HMCN2: variants seen among roughly 807,000 people sequenced by gnomAD.
HMCN2 encodes the protein hemicentin 2.
Under a neutral mutation model 377.5 loss-of-function variants are expected in HMCN2, and 325 were observed. The observed-to-expected ratio is 0.86, with a 90% CI of 0.79 to 0.94. HMCN2 has a LOEUF of 0.94. Among genes scored for constraint, HMCN2 ranks in the 40% least tolerant of loss-of-function variants. The probability of loss-of-function intolerance (pLI) is 0.00; values close to 1 mark genes in which losing one functional copy is unlikely to be tolerated. For synonymous variants in HMCN2, 2,007 were observed against 2,046.8 expected (o/e 0.98, Z 0.53); for missense variants, 4,543 against 4,725.3 (o/e 0.96, Z 1.13).
intron 31 of HMCN2, 76 bp from the exon 32 acceptor site, chr9:130,354,687 C>T (rs1406593506): frequency 5.7e-5 from 67 of 1,177,936 alleles, no homozygotes; most frequent in Middle Eastern, 5.0e-4. Flanking sequence ...GGGGCTTCAG[C>T]GGGCCTGTTG....
Position 130,406,077 on chromosome 9 carries a change from G to A in HMCN2, c.12462G>A (p.Leu4154=). The A allele has an allele frequency of 1.6e-6, 2 of 1,289,864 alleles. No individual in the cohort carries two copies. The highest frequency in any genetic ancestry group is 2.0e-6 in the Non-Finnish European group (2 of 988,884). 79.9% of individuals were successfully genotyped at this position (1,289,864 alleles called of 1,614,324 possible). A position where few individuals can be genotyped will look rare whatever the true frequency, so the allele number is the denominator to read the frequency against. Residue 4154 remains leucine (L), a synonymous_variant, in exon 82 of 98, where the codon CTG becomes CTA. Coordinates refer to ENST00000683500, the MANE Select transcript of HMCN2 (RefSeq NM_001291815.2). ...VFTTLPGDRS[L]RLGDRLWLRC... ...CCACCCTGCCTGGGGACCGCAGCCTGCGCCTTGGGGACAGGCTGTGGCTTC... is the reference window on the plus strand; with the variant it reads ...CCACCCTGCCTGGGGACCGCAGCCTACGCCTTGGGGACAGGCTGTGGCTTC...
intron 15 of HMCN2, among the ~76,000 whole-genome samples, chr9:130,319,191 G>T (rs1219656612): frequency 6.6e-6 from 1 of 152,122 alleles, no homozygotes; most frequent in Non-Finnish European, 1.5e-5. Flanking sequence ...CCCTTGGAGG[G>T]GCTTCCTGGG....
Position 130,369,904 on chromosome 9 carries a change from A to G in HMCN2, c.7069+53A>G, listed in dbSNP as rs1017073432. 7.2e-6 allele frequency: 7 copies of G among 970,932 alleles called. No homozygotes were observed. Among genetic ancestry groups the G allele is most frequent in the Non-Finnish European group, 8.6e-6 (7 of 816,834 alleles). 60.1% of individuals were successfully genotyped at this position (970,932 alleles called of 1,614,324 possible). A position where few individuals can be genotyped will look rare whatever the true frequency, so the allele number is the denominator to read the frequency against. The stretch of plus-strand genomic sequence containing the variant: ...TGGGCTGGGGCAGATTAGAGTGGGC[A>G]AGGTGGGTTCAATCTCCAGGCACGG... On this transcript the variant is annotated intron_variant, in intron 45 of 97. Coordinates refer to ENST00000683500, the MANE Select transcript of HMCN2 (RefSeq NM_001291815.2). The surrounding 1 kb of genome is among the most constrained non-coding windows in gnomAD (Gnocchi z 4.5).
intron 61 of HMCN2, among the ~76,000 whole-genome samples, chr9:130,387,222 A>T (rs1842071882): frequency 6.6e-6 from 1 of 152,176 alleles, no homozygotes; most frequent in African/African-American, 2.4e-5. Flanking sequence ...ACTTGGCCAG[A>T]TTTTCTGGTG....
intron 3 of HMCN2, among the ~76,000 whole-genome samples, chr9:130,285,543 TC>T (rs1693919195): frequency 6.6e-6 from 1 of 152,200 alleles, no homozygotes; most frequent in Admixed American, 6.5e-5. Context: ...GGCTCACACT[TC>T]CCTGGCGCAG....
chr9:130,389,385 C>T (rs1184488331), intron 62 of HMCN2, among the ~76,000 whole-genome samples: 2 of 152,058 alleles, frequency 1.3e-5, no homozygotes, highest in Non-Finnish European at 2.9e-5. Context: ...GCAATCACTC[C>T]CCGTTTTCTC....
At chr9:130,392,367 A>G (rs911744342) in intron 66 of HMCN2, among the ~76,000 whole-genome samples, 1 of 152,206 alleles carries the variant, frequency 6.6e-6, no homozygotes, top group Admixed American at 6.5e-5. Flanking sequence ...CAACTGGGCC[A>G]CAGGAGACGA....
At chr9:130,323,690 CT>C (rs1171558401) in intron 19 of HMCN2, among the ~76,000 whole-genome samples, 3,619 of 144,696 alleles carry the variant, frequency 0.025, 48 homozygotes, top group Middle Eastern at 0.042. Flanking sequence ...CCATTGAAAG[CT>C]TTTTTTTTTT....
At chr9:130,322,945 G>A (rs1409301923) in intron 19 of HMCN2, among the ~76,000 whole-genome samples, 1 of 152,300 alleles carries the variant, frequency 6.6e-6, no homozygotes, top group African/African-American at 2.4e-5. Flanking sequence ...AAGAACGCGC[G>A]TTCCCCATTT....
intron 22 of HMCN2, among the ~76,000 whole-genome samples, chr9:130,332,318 T>A (rs1838469242): frequency 6.6e-6 from 1 of 152,134 alleles, no homozygotes; most frequent in Non-Finnish European, 1.5e-5. Context: ...GGTCGCACAG[T>A]GTGAGGGTCC....
chr9:130,299,701 A>G (rs1190275481), intron 8 of HMCN2, among the ~76,000 whole-genome samples: 1 of 150,678 alleles, frequency 6.6e-6, no homozygotes, highest in African/African-American at 2.5e-5. Flanking sequence ...TCACCTATTC[A>G]TCCATCCACC....
chr9:130,403,142 G>A (rs561792147), intron 78 of HMCN2, 52 bp from the exon 79 acceptor site: 12 of 1,259,698 alleles, frequency 9.5e-6, no homozygotes, highest in African/African-American at 1.5e-5. Context: ...GCTGGTTGGA[G>A]GAGTTGTGTT....
intron 19 of HMCN2, among the ~76,000 whole-genome samples, chr9:130,324,683 G>A (rs1838032889): frequency 6.6e-6 from 1 of 151,902 alleles, no homozygotes; most frequent in Admixed American, 6.6e-5. Context: ...GGAGTGCAGT[G>A]GCGCAATCCC....
In HMCN2 at chr9:130,394,646, C is replaced by A; in HGVS notation, c.10692+71C>A. ...GGGGAGGGACTGCAGGTTCCCCAGA[C>A]CCAGTGGGCAGTTGACAAAGTTGGG... On this transcript the variant is annotated intron_variant, in intron 69 of 97. Transcript: ENST00000683500. The surrounding 1 kb of genome is among the most constrained non-coding windows in gnomAD (Gnocchi z 5.1). The A allele has an allele frequency of 8.6e-7, 1 of 1,156,610 alleles. No individual in the cohort carries two copies. Among genetic ancestry groups the A allele is most frequent in the Non-Finnish European group, 1.1e-6 (1 of 896,826 alleles). 71.6% of individuals were successfully genotyped at this position (1,156,610 alleles called of 1,614,324 possible).
chr9:130,433,454 G>T lies in HMCN2; in HGVS notation c.15001G>T (p.Ala5001Ser), dbSNP rs532361947. 5.3e-5 allele frequency: 79 copies of T among 1,498,656 alleles called. 1 individual carries two copies. In the Middle Eastern group the frequency reaches 1.1e-3, roughly 21 times the overall value. The allele number at this position is 1,498,656 out of a possible 1,614,324, so 92.8% of individuals were successfully genotyped here. The change falls in exon 98 of 98, where the codon GCC (alanine) becomes TCC (serine). Residue 5001 changes from alanine to serine, a missense_variant. Physicochemically the swap from Ala to Ser is moderately conservative, Grantham distance 99. Coordinates refer to ENST00000683500, the MANE Select transcript of HMCN2 (RefSeq NM_001291815.2). ...PLGVRAHHDV[A>S]RLTAFSEVGV... The stretch of plus-strand genomic sequence containing the variant: ...GGGCGTGCGCGCCCACCACGACGTG[G>T]CCCGCCTCACCGCCTTCTCCGAGGT...
In HMCN2 at chr9:130,429,617, C is replaced by T. The variant is rs1467540741; in HGVS notation, c.14258C>T (p.Thr4753Ile). Residue 4753 changes from threonine (T) to isoleucine (I), a missense_variant, in exon 94 of 98, where the codon ACC becomes ATC. Coordinates refer to ENST00000683500, the MANE Select transcript of HMCN2 (RefSeq NM_001291815.2). ...CACTACAACCAGCTCTGCGAGAACA[C>T]CCCAGGCGGTCACCGCTGCAGCTGC... ...DCHYNQLCEN[T>I]PGGHRCSCPR... The T allele has an allele frequency of 3.9e-6, 6 of 1,549,950 alleles. No homozygotes were observed. The highest frequency in any genetic ancestry group is 5.2e-6 in the Non-Finnish European group (6 of 1,146,724).
At chr9:130,343,666 C>T (rs1839186600) in intron 25 of HMCN2, among the ~76,000 whole-genome samples, 1 of 152,254 alleles carries the variant, frequency 6.6e-6, no homozygotes, top group Non-Finnish European at 1.5e-5. Flanking sequence ...CAGCCCCTGA[C>T]TGCCACACAC....
chr9:130,298,550 T>G (rs1331486855), intron 7 of HMCN2, among the ~76,000 whole-genome samples: 6 of 152,130 alleles, frequency 3.9e-5, no homozygotes, highest in Non-Finnish European at 8.8e-5. Context: ...CAGTTCTACC[T>G]CTTCTGGGAT....
rs1839026483 is a variant in HMCN2 at position 130,341,153 on chromosome 9, T to G, written c.3530T>G (p.Leu1177Arg). The change falls in exon 24 of 98, where the codon CTG becomes CGG. Residue 1177 changes from leucine (L) to arginine (R), a missense_variant. Physicochemically the swap from Leu to Arg is moderately radical, Grantham distance 102 (BLOSUM62 -2). This residue lies in a region of HMCN2 where 547 missense variants were observed against 189.9 expected (regional missense o/e 2.88). Coordinates refer to ENST00000683500, the MANE Select transcript of HMCN2 (RefSeq NM_001291815.2). ...CCAGGCCCTCGGGTTCTGAAGGTGC[T>G]GGTGGGAGAAGCCCTGGATCTGAAC... ...VQPGPRVLKVLVGEALDLNCV... is the reference protein window; with the variant it reads ...VQPGPRVLKVRVGEALDLNCV... 1 of 152,490 alleles carries G rather than the reference T, an allele frequency of 6.6e-6. No individual in the cohort carries two copies. Among genetic ancestry groups the G allele is most frequent in the African/African-American group, 2.4e-5 (1 of 41,440 alleles). 9.4% of individuals were successfully genotyped at this position (152,490 alleles called of 1,614,324 possible). A position where few individuals can be genotyped will look rare whatever the true frequency, so the allele number is the denominator to read the frequency against.
Sources: gnomAD v4.1 joint callset for allele counts (sites outside exome capture counted in the v4.1 genomes callset) on GRCh38, gnomAD v4.1.1 for gene constraint, gnomAD v4.1.1 regional missense constraint, Gnocchi (gnomAD v3.1) non-coding constraint, MANE v1.5 for transcripts, NCBI Gene and HGNC (gene_info 2026-07-23, HGNC 2026-07-21) for gene names.